Variants in ADAMTSL1 observed in about 807,000 individuals in gnomAD.
The protein encoded by ADAMTSL1 is ADAMTS-like protein 1.
A neutral mutation model predicts 201.8 loss-of-function variants in ADAMTSL1; 126 were observed. That is an observed-to-expected ratio of 0.62 (90% CI 0.54 to 0.72). The LOEUF is 0.72. Among genes scored for constraint, ADAMTSL1 ranks in the 30% least tolerant of loss-of-function variants. ADAMTSL1 has a pLI of 0.00. For missense variants in ADAMTSL1, 2,679 were observed against 2,277.8 expected, an observed-to-expected ratio of 1.18 and a Z score of -3.59; for synonymous variants, 1,121 against 903.4, an observed-to-expected ratio of 1.24 and a Z score of -4.32.
At chr9:17,993,047 C>A (rs1235552853) in intron 1 of ADAMTSL1, among the ~76,000 whole-genome samples, 1 of 152,196 alleles carries the variant, frequency 6.6e-6, no homozygotes, top group African/African-American at 2.4e-5. Context: ...ATAAGAGAAT[C>A]TATCCCAATG....
intron 27 of ADAMTSL1, 56 bp from the exon 28 acceptor site, chr9:18,906,636 G>A: frequency 7.2e-7 from 1 of 1,397,534 alleles, no homozygotes; most frequent in Non-Finnish European, 9.6e-7. Context: ...TTTCACATCT[G>A]CCCTGATTCA....
In ADAMTSL1 at chr9:18,635,928, T is replaced by C. The variant is rs1436522392; in HGVS notation, c.602-15T>C. On this transcript the variant is annotated splice_polypyrimidine_tract_variant and intron_variant, in intron 5 of 28. Coordinates refer to ENST00000380548, the MANE Select transcript of ADAMTSL1 (RefSeq NM_001040272.6). ...AAGTGACATGCTTTTAAGATTTTGC[T>C]TTGTTTCTCTCTAGCGGATGATACT... 2 of 1,592,770 alleles carry C rather than the reference T, an allele frequency of 1.3e-6. No homozygotes were observed. Among genetic ancestry groups the C allele is most frequent in the Admixed American group, 3.8e-5 (2 of 53,228 alleles).
intron 10 of ADAMTSL1, among the ~76,000 whole-genome samples, chr9:18,677,976 T>A (rs1381327507): frequency 6.6e-6 from 1 of 152,070 alleles, no homozygotes; most frequent in Non-Finnish European, 1.5e-5. Flanking sequence ...TACCCACTGA[T>A]CAAGGCCATT....
intron 23 of ADAMTSL1, among the ~76,000 whole-genome samples, chr9:18,840,241 G>A (rs1217007227): frequency 6.6e-6 from 1 of 152,044 alleles, no homozygotes; most frequent in Non-Finnish European, 1.5e-5. Flanking sequence ...TCCAGTGTCA[G>A]CTTTCTACAT....
intron 1 of ADAMTSL1, among the ~76,000 whole-genome samples, chr9:18,092,357 G>T (rs1824062112): frequency 6.6e-6 from 1 of 152,076 alleles, no homozygotes; most frequent in African/African-American, 2.4e-5. Context: ...TTTTTATTGG[G>T]TCATAAAGAA....
At chr9:18,037,749 A>G (rs1038930653) in intron 1 of ADAMTSL1, among the ~76,000 whole-genome samples, 19 of 152,206 alleles carry the variant, frequency 1.2e-4, no homozygotes, top group African/African-American at 4.3e-4. Flanking sequence ...ACTCACCTTT[A>G]TAACTTCTTA....
chr9:18,100,287 G>A (rs1248283048), intron 1 of ADAMTSL1, among the ~76,000 whole-genome samples: 1 of 152,062 alleles, frequency 6.6e-6, no homozygotes, highest in Admixed American at 6.6e-5. Flanking sequence ...TACCCAAACT[G>A]TTTTTGTTTT....
chr9:17,934,733 C>G (rs1307411758), intron 1 of ADAMTSL1, among the ~76,000 whole-genome samples: 1 of 152,004 alleles, frequency 6.6e-6, no homozygotes, highest in Admixed American at 6.6e-5. Context: ...CCCCACCTAC[C>G]TGCATGTAGT....
Position 18,777,141 on chromosome 9 carries a change from C to T in ADAMTSL1, c.2912C>T (p.Pro971Leu), listed in dbSNP as rs779995905. The change falls in exon 19 of 29, where the codon CCC becomes CTC. Residue 971 changes from proline to leucine, a missense_variant. Physicochemically the swap from Pro to Leu is moderately conservative, Grantham distance 98. Transcript: ENST00000380548. ...IGGNRKLVARPLSPRSEEEVL... is the reference protein window; with the variant it reads ...IGGNRKLVARLLSPRSEEEVL... ...GGCAACCGCAAGCTCGTGGCCCGGCCCTTGAGCCCGAGAAGTGAGGAAGAG... is the reference window on the plus strand; with the variant it reads ...GGCAACCGCAAGCTCGTGGCCCGGCTCTTGAGCCCGAGAAGTGAGGAAGAG... The T allele has an allele frequency of 5.0e-6, 8 of 1,612,886 alleles. No individual in the cohort carries two copies. Among genetic ancestry groups the T allele is most frequent in the African/African-American group, 2.7e-5 (2 of 74,942 alleles).
intron 15 of ADAMTSL1, among the ~76,000 whole-genome samples, chr9:18,741,526 T>C (rs1003798923): frequency 6.6e-6 from 1 of 152,240 alleles, no homozygotes; most frequent in Admixed American, 6.5e-5. Context: ...TGTAAATAGA[T>C]GGATTAAAAA....
At chr9:17,960,634 C>T (rs1817708504) in intron 1 of ADAMTSL1, among the ~76,000 whole-genome samples, 1 of 152,162 alleles carries the variant, frequency 6.6e-6, no homozygotes, top group South Asian at 2.1e-4. Flanking sequence ...AGAAAGCATG[C>T]AACATTGTCT....
intron 23 of ADAMTSL1, among the ~76,000 whole-genome samples, chr9:18,835,772 C>T (rs1825274061): frequency 6.6e-6 from 1 of 152,050 alleles, no homozygotes; most frequent in Middle Eastern, 3.2e-3. Context: ...GTTTTCTGTT[C>T]CTGCATTATC....
intron 4 of ADAMTSL1, among the ~76,000 whole-genome samples, chr9:18,590,411 C>G (rs930703016): frequency 1.3e-5 from 2 of 151,228 alleles, no homozygotes; most frequent in African/African-American, 4.9e-5. Flanking sequence ...CTATTTTTTT[C>G]TTTGTTAGCC....
intron 1 of ADAMTSL1, among the ~76,000 whole-genome samples, chr9:17,915,002 G>T (rs867037946): frequency 4.0e-5 from 6 of 151,436 alleles, no homozygotes; most frequent in African/African-American, 1.5e-4. Flanking sequence ...TAATAATTTT[G>T]CATTGTTAAA....
At chr9:18,061,253 C>T (rs1302714371) in intron 1 of ADAMTSL1, among the ~76,000 whole-genome samples, 1 of 152,166 alleles carries the variant, frequency 6.6e-6, no homozygotes, top group Non-Finnish European at 1.5e-5. Flanking sequence ...GCATTAACAA[C>T]TACTGAGCAA....
At chr9:18,698,686 G>T (rs1831720708) in intron 13 of ADAMTSL1, among the ~76,000 whole-genome samples, 1 of 152,128 alleles carries the variant, frequency 6.6e-6, no homozygotes, top group South Asian at 2.1e-4. Context: ...AAGAGAGTTT[G>T]GTGTCATGTA....
At chr9:17,984,222 C>G (rs1051658117) in intron 1 of ADAMTSL1, among the ~76,000 whole-genome samples, 1 of 152,018 alleles carries the variant, frequency 6.6e-6, no homozygotes, top group Non-Finnish European at 1.5e-5. Flanking sequence ...AAAAGGGACA[C>G]ATAATTCAGA....
At chr9:18,230,781 C>G (rs1479087293) in intron 2 of ADAMTSL1, among the ~76,000 whole-genome samples, 2 of 152,074 alleles carry the variant, frequency 1.3e-5, no homozygotes, top group Non-Finnish European at 1.5e-5. Context: ...AATGACCAAA[C>G]TCATGGTAGC....
At chr9:18,780,462 T>G (rs538539482) in intron 19 of ADAMTSL1, among the ~76,000 whole-genome samples, 1 of 152,288 alleles carries the variant, frequency 6.6e-6, no homozygotes, top group African/African-American at 2.4e-5. Flanking sequence ...AGGGCAAACT[T>G]AAGGCTAAAC....
Sources: allele counts gnomAD v4.1 joint callset (sites outside exome capture counted in the v4.1 genomes callset), GRCh38; gene constraint gnomAD v4.1.1; transcripts MANE v1.5; gene names NCBI Gene and HGNC (gene_info 2026-07-23, HGNC 2026-07-21).